HNRNPH3: variants seen among roughly 807,000 people sequenced by gnomAD.
HNRNPH3 encodes the protein heterogeneous nuclear ribonucleoprotein H3.
HNRNPH3 carries 7 observed loss-of-function variants against 47.0 expected under a neutral mutation model. The ratio of observed to expected loss-of-function variants is 0.15; its 90% CI spans 0.08 to 0.28. The LOEUF is 0.28. HNRNPH3 is among the 10% of genes least tolerant of loss of function. HNRNPH3 has a pLI of 1.00. For missense variants in HNRNPH3, 279 were observed against 449.6 expected, an observed-to-expected ratio of 0.62 and a Z score of 3.43; for synonymous variants, 120 against 143.2, an observed-to-expected ratio of 0.84 and a Z score of 1.16.
intron 4 of HNRNPH3, 189 bp from the exon 5 acceptor site, chr10:68,338,951 A>T: frequency 1.9e-6 from 1 of 537,166 alleles, no homozygotes; most frequent in Non-Finnish European, 3.2e-6. Flanking sequence ...TACATGTCTG[A>T]ACTTAATTAA....
Position 68,337,412 on chromosome 10 carries a change from C to A in HNRNPH3, c.112+79C>A. 1.1e-6 allele frequency: 1 copy of A among 925,088 alleles called. No homozygotes were observed. The highest frequency in any genetic ancestry group is 1.7e-6 in the Non-Finnish European group (1 of 591,244). The allele number at this position is 925,088 out of a possible 1,614,324, so 57.3% of individuals were successfully genotyped here. A position where few individuals can be genotyped will look rare whatever the true frequency, so the allele number is the denominator to read the frequency against. On this transcript the variant is annotated intron_variant, in intron 2 of 9. Transcript: ENST00000265866. The surrounding 1 kb of genome is among the most constrained non-coding windows in gnomAD (Gnocchi z 4.5). ...GTTTTACTGTTTTTAATTTGTAAAACCCATTTGATTTTGGAACTTTTAAGT... is the reference window on the plus strand; with the variant it reads ...GTTTTACTGTTTTTAATTTGTAAAAACCATTTGATTTTGGAACTTTTAAGT...
At chr10:68,335,205 T>A (rs576946527) in intron 1 of HNRNPH3, among the ~76,000 whole-genome samples, 1 of 151,910 alleles carries the variant, frequency 6.6e-6, no homozygotes, top group South Asian at 2.1e-4. Flanking sequence ...TGCTAAGATT[T>A]ATGGGTAAAT....
chr10:68,335,686 G>A (rs1162762), intron 1 of HNRNPH3, among the ~76,000 whole-genome samples: 151,981 of 152,224 alleles, frequency 1, 75,869 homozygotes, highest in Non-Finnish European at 1. Context: ...GCCCCTTAAA[G>A]TCCAGTAACA....
chr10:68,339,641 A>G (rs555719189), intron 6 of HNRNPH3, 86 bp downstream of exon 6: 1 of 781,102 alleles, frequency 1.3e-6, no homozygotes, highest in East Asian at 2.7e-5. Context: ...TCATGTTTAT[A>G]GCTTAATACC....
chr10:68,341,345 A>C (rs1354011199), intron 7 of HNRNPH3, 36 bp downstream of exon 7: 1 of 1,576,564 alleles, frequency 6.3e-7, no homozygotes. Context: ...CTTATTTCCT[A>C]AACGTGAATT....
chr10:68,335,852 C>T (rs2045520809), intron 1 of HNRNPH3, among the ~76,000 whole-genome samples: 1 of 152,156 alleles, frequency 6.6e-6, no homozygotes, highest in Admixed American at 6.5e-5. Flanking sequence ...AGACCCAGAA[C>T]ATTCATAATA....
chr10:68,340,701 A>G (rs1016094979), intron 6 of HNRNPH3, among the ~76,000 whole-genome samples: 2 of 152,232 alleles, frequency 1.3e-5, no homozygotes, highest in Admixed American at 1.3e-4. Context: ...TTAGAACCAA[A>G]TGATATCTTT....
At chr10:68,333,875 T>G (rs757941135) in intron 1 of HNRNPH3, among the ~76,000 whole-genome samples, 1 of 152,220 alleles carries the variant, frequency 6.6e-6, no homozygotes. Flanking sequence ...AAATCTTACC[T>G]TGAAACAGTA....
In HNRNPH3 at chr10:68,341,997, T is replaced by C. The variant is rs2045994958; in HGVS notation, c.984T>C (p.Ser328=). ...CTTAAGGCCGTGGTGGTGGAGGCAG[T>C]GGAGGTTACTATGGGCAAGGCGGCA... The part of the protein sequence containing the change: ...LGGYGRGGGG[S]GGYYGQGGMS... The change falls in exon 10 of 10, where the codon AGT becomes AGC. Residue 328 remains serine, a synonymous_variant. Transcript: ENST00000265866. The C allele has an allele frequency of 6.2e-7, 1 of 1,614,024 alleles. No homozygotes were observed. The highest frequency in any genetic ancestry group is 1.1e-5 in the South Asian group (1 of 91,080).
intron 6 of HNRNPH3, among the ~76,000 whole-genome samples, chr10:68,340,270 C>T (rs547693555): frequency 3.3e-5 from 5 of 152,242 alleles, no homozygotes; most frequent in East Asian, 1.9e-4. Context: ...CCTCATGATC[C>T]GCCTGCCCTG....
At chr10:68,338,714 C>T (rs769595645) in intron 4 of HNRNPH3, 27 bp downstream of exon 4, 1 of 1,506,726 alleles carries the variant, frequency 6.6e-7, no homozygotes, top group East Asian at 2.3e-5. Context: ...AACAAAGGTT[C>T]TGTTGTCATT....
chr10:68,338,736 C>T lies in HNRNPH3; in HGVS notation c.436+49C>T, dbSNP rs772809113. The T allele has an allele frequency of 2.1e-6, 3 of 1,400,964 alleles. No homozygotes were observed. The South Asian group carries it at 4.5e-5, about 21-fold the overall frequency. 86.8% of individuals were successfully genotyped at this position (1,400,964 alleles called of 1,614,324 possible). A position where few individuals can be genotyped will look rare whatever the true frequency, so the allele number is the denominator to read the frequency against. Reference sequence around the variant, plus strand: ...GTTCTGTTGTCATTTTCTTAATGTTCCTGACACTTTGTCAAGAAATACAGA... The same window carrying T: ...GTTCTGTTGTCATTTTCTTAATGTTTCTGACACTTTGTCAAGAAATACAGA... On this transcript the variant is annotated intron_variant, in intron 4 of 9. Transcript: ENST00000265866.
intron 1 of HNRNPH3, among the ~76,000 whole-genome samples, chr10:68,335,508 C>T (rs2045501491): frequency 6.6e-6 from 1 of 151,948 alleles, no homozygotes; most frequent in Non-Finnish European, 1.5e-5. Flanking sequence ...TTGGGGCCGC[C>T]TCCTCTCAGA....
In HNRNPH3 at chr10:68,339,431, G is replaced by A. The variant is rs180752321; in HGVS notation, c.524-9G>A. The A allele has an allele frequency of 6.8e-6, 11 of 1,609,126 alleles. No individual in the cohort carries two copies. Among genetic ancestry groups the A allele is most frequent in the Non-Finnish European group, 6.0e-6 (7 of 1,175,680 alleles). On this transcript the variant is annotated splice_polypyrimidine_tract_variant and intron_variant, in intron 5 of 9. Transcript: ENST00000265866. ...ATAGTTTATAATCTTGGCAAATTGTGTTTTCCAGGTATGGGAGGACATGGC... is the reference window on the plus strand; with the variant it reads ...ATAGTTTATAATCTTGGCAAATTGTATTTTCCAGGTATGGGAGGACATGGC...
chr10:68,334,138 C>T (rs920003422), intron 1 of HNRNPH3, among the ~76,000 whole-genome samples: 1 of 152,154 alleles, frequency 6.6e-6, no homozygotes, highest in Non-Finnish European at 1.5e-5. Context: ...AGAGACCTTA[C>T]CTCCTTAAGC....
upstream of HNRNPH3, chr10:68,332,004 C>A (rs1416366857): frequency 6.6e-6 from 1 of 152,630 alleles, no homozygotes; most frequent in Non-Finnish European, 1.5e-5. Context: ...GGGCCGGCCG[C>A]CTTCGCAGTT....
upstream of HNRNPH3, chr10:68,331,978 C>A (rs10998071): frequency 0.042 from 6,426 of 152,566 alleles, 165 homozygotes; most frequent in African/African-American, 0.048. Flanking sequence ...ACCGACTTTC[C>A]CGTCTCGCGA....
chr10:68,341,446 C>A, intron 7 of HNRNPH3, 137 bp downstream of exon 7: 2 of 1,024,666 alleles, frequency 2.0e-6, no homozygotes, highest in Non-Finnish European at 1.5e-6. Flanking sequence ...TTTCTGTGGG[C>A]TTTATATATC....
At chr10:68,334,679 T>C (rs1389512848) in intron 1 of HNRNPH3, among the ~76,000 whole-genome samples, 1 of 152,200 alleles carries the variant, frequency 6.6e-6, no homozygotes, top group Non-Finnish European at 1.5e-5. Flanking sequence ...CTTGGTGTAA[T>C]GTTTAGAAAA....
Sources: gnomAD v4.1 joint callset for allele counts (sites outside exome capture counted in the v4.1 genomes callset) on GRCh38, gnomAD v4.1.1 for gene constraint, Gnocchi (gnomAD v3.1) non-coding constraint, MANE v1.5 for transcripts, NCBI Gene and HGNC (gene_info 2026-07-23, HGNC 2026-07-21) for gene names.